The following P3H2 variants were observed in gnomAD, a reference collection of about 807,000 sequenced individuals.
The protein encoded by P3H2 is prolyl 3-hydroxylase 2, also known as leprecan-like 1.
Under a neutral mutation model 87.0 loss-of-function variants are expected in P3H2, and 80 were observed. The ratio of observed to expected loss-of-function variants is 0.92; its 90% confidence interval spans 0.77 to 1.11. The LOEUF (loss-of-function observed/expected upper bound fraction) is 1.11, where lower values mean the gene tolerates loss of function less well. P3H2 is among the 50% of genes least tolerant of loss of function. The pLI, the probability that P3H2 is intolerant of heterozygous loss-of-function variation, is 0.00. For missense variants in P3H2, 1,001 were observed against 923.9 expected (o/e 1.08, Z -1.08); for synonymous variants, 367 against 359.3 (o/e 1.02, Z -0.24).
intron 13 of P3H2, among the ~76,000 whole-genome samples, chr3:189,966,317 T>C (rs1290185011): frequency 6.6e-6 from 1 of 152,206 alleles, no homozygotes; most frequent in African/African-American, 2.4e-5. Context: ...GATTACCAAG[T>C]CTTGGTAACA....
At chr3:189,977,836 C>T (rs1003595909) in intron 8 of P3H2, among the ~76,000 whole-genome samples, 1 of 151,958 alleles carries the variant, frequency 6.6e-6, no homozygotes, top group African/African-American at 2.4e-5. Flanking sequence ...TCTTCAACTC[C>T]TGGACTCAAG....
At chr3:190,120,953 T>G, upstream of P3H2, 1 of 599,914 alleles carries the variant, frequency 1.7e-6, no homozygotes, top group Non-Finnish European at 2.6e-6. Context: ...CACACGCTCC[T>G]CCTGCTGCCT....
rs1222742631 is a variant in P3H2 at position 190,021,415 on chromosome 3, CT to C, written c.481-25974del. ...ATTTCAGTTTGTTTTTAAAGTCTTC[CT>C]TTTTTCAATTTTTTGTTCTGTAACA... On this transcript the variant is annotated intron_variant, in intron 1 of 14. Transcript: ENST00000319332. 1.5e-5 allele frequency among the ~76,000 whole-genome samples: 2 copies of C among 134,216 alleles called. 1 individual carries two copies. The highest frequency in any genetic ancestry group is 5.1e-5 in the African/African-American group (2 of 38,922). 88.1% of individuals were successfully genotyped at this position (134,216 alleles called of 152,430 possible). A position where few individuals can be genotyped will look rare whatever the true frequency, so the allele number is the denominator to read the frequency against.
At chr3:190,105,267 G>A (rs1395778766) in intron 1 of P3H2, among the ~76,000 whole-genome samples, 2 of 152,118 alleles carry the variant, frequency 1.3e-5, no homozygotes, top group South Asian at 2.1e-4. Context: ...CATTTGAGCC[G>A]AGATCTTGTT....
intron 1 of P3H2, among the ~76,000 whole-genome samples, chr3:190,068,555 A>G (rs1726589913): frequency 6.6e-6 from 1 of 152,192 alleles, no homozygotes; most frequent in Admixed American, 6.5e-5. Context: ...TAGTGATATC[A>G]AAACTGAACA....
At chr3:189,966,980 C>T (rs561515247) in intron 13 of P3H2, among the ~76,000 whole-genome samples, 2 of 152,282 alleles carry the variant, frequency 1.3e-5, no homozygotes, top group East Asian at 1.9e-4. Context: ...GACGTTACTT[C>T]CTTATGTGGC....
At position 189,957,557 on chromosome 3, in the gene P3H2, G is replaced by C. The variant is rs1362922095; in HGVS notation, c.*355C>G. 33 of 396,314 alleles carry C rather than the reference G, an allele frequency of 8.3e-5. No homozygotes were observed. In the East Asian group the frequency reaches 1.6e-3, roughly 20 times the overall value. The allele number at this position is 396,314 out of a possible 1,614,324, so 24.5% of individuals were successfully genotyped here. ...CCAAGAAAGAGAGCTGGGTGTGGTG[G>C]CACGTGCCTGTGGTCCCAGCTCCCC... On this transcript the variant is annotated 3_prime_UTR_variant, in exon 15 of 15. Coordinates refer to ENST00000319332, the MANE Select transcript of P3H2 (RefSeq NM_018192.4).
At chr3:189,980,836 A>G (rs1213555819) in intron 8 of P3H2, among the ~76,000 whole-genome samples, 4 of 152,206 alleles carry the variant, frequency 2.6e-5, no homozygotes, top group African/African-American at 9.6e-5. Context: ...GAGATGAATT[A>G]GGGTAGGGCC....
chr3:190,107,306 T>C (rs1473652672), intron 1 of P3H2, among the ~76,000 whole-genome samples: 1 of 152,204 alleles, frequency 6.6e-6, no homozygotes, highest in Non-Finnish European at 1.5e-5. Flanking sequence ...ACAAGTTATC[T>C]CGATAAAATA....
chr3:189,987,574 T>G lies in P3H2; in HGVS notation c.1051A>C (p.Ser351Arg). The G allele has an allele frequency of 6.2e-7, 1 of 1,613,858 alleles. No individual in the cohort carries two copies. Among genetic ancestry groups the G allele is most frequent in the South Asian group, 1.1e-5 (1 of 91,078 alleles). ...DVLDNVDYYE[S>R]LLDDSIDPAS... ...GGGTCAATGCTATCATCCAGCAGAC[T>G]CTCATAGTAATCCACATTGTCTAGG... is the stretch of plus-strand genomic sequence containing the variant. Residue 351 changes from serine to arginine, a missense_variant, in exon 5 of 15, where the codon AGT (serine) becomes CGT (arginine). Transcript: ENST00000319332.
intron 1 of P3H2, among the ~76,000 whole-genome samples, chr3:190,064,448 C>G (rs771225193): frequency 6.6e-6 from 1 of 152,018 alleles, no homozygotes; most frequent in South Asian, 2.1e-4. Flanking sequence ...AATCTCATCA[C>G]GGTATGACTC....
At chr3:190,044,116 T>C (rs1409985373) in intron 1 of P3H2, among the ~76,000 whole-genome samples, 1 of 152,186 alleles carries the variant, frequency 6.6e-6, no homozygotes, top group Non-Finnish European at 1.5e-5. Context: ...CAGGGTCAAA[T>C]AAGTGTTTCT....
intron 1 of P3H2, among the ~76,000 whole-genome samples, chr3:190,012,487 T>C (rs1724625709): frequency 6.6e-6 from 1 of 152,196 alleles, no homozygotes; most frequent in Non-Finnish European, 1.5e-5. Flanking sequence ...GTTTACCTGC[T>C]CAGACTTAAA....
At chr3:190,075,539 C>T (rs1465292460) in intron 1 of P3H2, among the ~76,000 whole-genome samples, 2 of 151,016 alleles carry the variant, frequency 1.3e-5, no homozygotes, top group East Asian at 3.9e-4. Context: ...AAAAGTGCAC[C>T]AAGACAGATA....
chr3:189,974,680 G>A lies in P3H2; in HGVS notation c.1330C>T (p.Pro444Ser), dbSNP rs151035620. ...KIDRDLREGG[P>S]LLYENITFVY... is the part of the protein sequence containing the mutation. ...AATGTGATGTTCTCATAGAGTAGAG[G>A]ACCACCTACAGGAACAGAGCACATT... Residue 444 changes from proline to serine, a missense_variant, in exon 9 of 15, where the codon CCT (proline) becomes TCT (serine). Pro to Ser is a moderately conservative substitution (Grantham distance 74, BLOSUM62 -1). Transcript: ENST00000319332. 2 of 1,614,134 alleles carry A rather than the reference G, an allele frequency of 1.2e-6. No homozygotes were observed. Among genetic ancestry groups the A allele is most frequent in the Non-Finnish European group, 1.7e-6 (2 of 1,180,024 alleles).
intron 1 of P3H2, among the ~76,000 whole-genome samples, chr3:190,119,496 T>C (rs1329024583): frequency 6.6e-6 from 1 of 152,148 alleles, no homozygotes; most frequent in Non-Finnish European, 1.5e-5. Context: ...ATGCATACTA[T>C]ACCTCCTGAC....
intron 3 of P3H2, among the ~76,000 whole-genome samples, chr3:189,989,593 T>G (rs1045237039): frequency 2.6e-5 from 4 of 152,208 alleles, no homozygotes; most frequent in Non-Finnish European, 4.4e-5. Context: ...AAAACTCTTT[T>G]TTTTTAAACC....
At chr3:190,004,604 G>A (rs972789141) in intron 1 of P3H2, among the ~76,000 whole-genome samples, 1 of 151,898 alleles carries the variant, frequency 6.6e-6, no homozygotes, top group African/African-American at 2.4e-5. Flanking sequence ...GGATGGTCTC[G>A]ATCTCCTGAC....
chr3:189,975,983 T>C (rs1238013415), intron 8 of P3H2, among the ~76,000 whole-genome samples: 2 of 152,252 alleles, frequency 1.3e-5, no homozygotes, highest in African/African-American at 2.4e-5. Context: ...AGTAGTTTCA[T>C]ACAGTACCCA....
Sources: allele counts gnomAD v4.1 joint callset (sites outside exome capture counted in the v4.1 genomes callset), GRCh38; gene constraint gnomAD v4.1.1; transcripts MANE v1.5; gene names NCBI Gene and HGNC (gene_info 2026-07-23, HGNC 2026-07-21).